CCDC187: variants seen among roughly 807,000 people sequenced by gnomAD.
CCDC187 encodes coiled-coil domain-containing protein 187.
A neutral mutation model predicts 38.0 loss-of-function variants in CCDC187; 32 were observed. The ratio of observed to expected loss-of-function variants is 0.84; its 90% CI spans 0.64 to 1.13. The LOEUF is 1.13. Among genes scored for constraint, CCDC187 ranks in the 50% most tolerant of loss-of-function variants. The pLI is 0.00. For missense variants in CCDC187, 707 were observed against 786.8 expected (o/e 0.90, Z 1.21); for synonymous variants, 333 against 347.9 (o/e 0.96, Z 0.48).
intron 18 of CCDC187, among the ~76,000 whole-genome samples, chr9:136,262,714 C>T (rs1830694344): frequency 6.6e-6 from 1 of 152,198 alleles, no homozygotes; most frequent in Non-Finnish European, 1.5e-5. Context: ...CCCCCATGCC[C>T]AGCTCTGGAA....
chr9:136,285,733 C>T (rs1831163519), intron 8 of CCDC187, 127 bp from the exon 9 acceptor site: 1 of 397,430 alleles, frequency 2.5e-6, no homozygotes, highest in Admixed American at 4.4e-5. Context: ...GGCAGCCTCC[C>T]TGGCCCTCAG....
intron 4 of CCDC187, 48 bp downstream of exon 4, chr9:136,297,666 G>T: frequency 2.5e-6 from 1 of 399,578 alleles, no homozygotes; most frequent in South Asian, 1.3e-4. Flanking sequence ...TAGAGTGCCA[G>T]GATCATATGC....
chr9:136,302,783 T>C, intron 2 of CCDC187, 29 bp downstream of exon 2: 1 of 399,154 alleles, frequency 2.5e-6, no homozygotes, highest in Non-Finnish European at 4.4e-6. Flanking sequence ...GCAGCCCTCC[T>C]GCCCCTCTCT....
chr9:136,277,916 C>T (rs953424409), intron 10 of CCDC187, among the ~76,000 whole-genome samples: 3 of 152,206 alleles, frequency 2.0e-5, no homozygotes, highest in Non-Finnish European at 1.5e-5. Context: ...CTTCCCGGAA[C>T]GGAGCAGCTC....
Position 136,286,275 on chromosome 9 carries a change from G to A in CCDC187, c.2643C>T (p.Ala881=). ...AAPTLATPTL[A]TPACPGALGP... ...CCAAGGCTCCAGGGCAGGCTGGGGT[G>A]GCAAGCGTGGGGGTGGCGAGCGTGG... Residue 881 remains alanine (A), a synonymous_variant, in exon 8 of 26, where the codon GCC becomes GCT. Coordinates refer to ENST00000638797, the MANE Select transcript of CCDC187 (RefSeq NM_001378188.1). 1 of 398,670 alleles carries A rather than the reference G, an allele frequency of 2.5e-6. No homozygotes were observed. Among genetic ancestry groups the A allele is most frequent in the Non-Finnish European group, 4.4e-6 (1 of 226,086 alleles). The allele number at this position is 398,670 out of a possible 1,614,324, so 24.7% of individuals were successfully genotyped here.
chr9:136,299,182 A>C (rs2131355110), intron 3 of CCDC187, among the ~76,000 whole-genome samples: 1 of 152,308 alleles, frequency 6.6e-6, no homozygotes, highest in South Asian at 2.1e-4. Context: ...CTGGATGGAC[A>C]GGAGTTCCCC....
rs1376549139 is a variant in CCDC187 at position 136,289,978 on chromosome 9, C to T, written c.2203G>A (p.Gly735Ser). The change falls in exon 7 of 26, where the codon GGC (glycine) becomes AGC (serine). Residue 735 changes from glycine to serine, a missense_variant. By Grantham distance (56) the Gly-to-Ser change is moderately conservative. Coordinates refer to ENST00000638797, the MANE Select transcript of CCDC187 (RefSeq NM_001378188.1). ...SKVTSGMVLG[G>S]QEAPGSFCLC... The stretch of plus-strand genomic sequence containing the variant: ...ACCCACCTGCCTGGGGCTTCCTGGC[C>T]CCCCAGCACCATGCCAGAGGTCACT... 1.8e-5 allele frequency: 7 copies of T among 396,816 alleles called. No individual in the cohort carries two copies. Among genetic ancestry groups the T allele is most frequent in the Admixed American group, 8.8e-5 (2 of 22,672 alleles). The allele number at this position is 396,816 out of a possible 1,614,324, so 24.6% of individuals were successfully genotyped here.
chr9:136,267,768 G>T, intron 15 of CCDC187: 1 of 917,046 alleles, frequency 1.1e-6, no homozygotes, highest in Non-Finnish European at 1.3e-6. Flanking sequence ...GATCCAGGAA[G>T]CCCAGGCCAC....
In CCDC187 at chr9:136,294,202, TCACA is replaced by T. The variant is rs1243547283; in HGVS notation, c.833-1911_833-1908del. Among the ~76,000 whole-genome samples the T allele has an allele frequency of 4.1e-3, 584 of 140,834 alleles. 4 individuals are homozygous for T. Among genetic ancestry groups the T allele is most frequent in the African/African-American group, 0.016 (570 of 36,722 alleles). 92.4% of individuals were successfully genotyped at this position (140,834 alleles called of 152,430 possible). ...TATACACACGCCCTCACATGTGCTC[TCACA>T]CACACTCACACGCTCATATACACAC... On this transcript the variant is annotated intron_variant, in intron 4 of 25. Transcript: ENST00000638797.
chr9:136,282,773 C>T (rs1167408409), intron 9 of CCDC187, among the ~76,000 whole-genome samples: 6 of 152,246 alleles, frequency 3.9e-5, no homozygotes, highest in South Asian at 2.1e-4. Context: ...AACCCCCGCC[C>T]GCATTCCTGG....
In CCDC187 at chr9:136,293,360, T is replaced by TCACAC. The variant is rs1831407486; in HGVS notation, c.833-1066_833-1065insGTGTG. ...ACTCACACTCACATGCTCACACACA[T>TCACAC]TCACATGCTCACACACTCACACTCA... is the stretch of plus-strand genomic sequence containing the variant. On this transcript the variant is annotated intron_variant, in intron 4 of 25. Transcript: ENST00000638797. Among the ~76,000 whole-genome samples, 208 of 87,556 alleles carry TCACAC rather than the reference T, an allele frequency of 2.4e-3. 2 individuals are homozygous for TCACAC. Among genetic ancestry groups the TCACAC allele is most frequent in the Non-Finnish European group, 3.8e-3 (162 of 42,962 alleles). The allele number at this position is 87,556 out of a possible 152,430, so 57.4% of individuals were successfully genotyped here.
Position 136,254,660 on chromosome 9 carries a change from G to A in CCDC187, c.5168C>T (p.Ala1723Val), listed in dbSNP as rs1830590842. 4 of 985,416 alleles carry A rather than the reference G, an allele frequency of 4.1e-6. No individual in the cohort carries two copies. The highest frequency in any genetic ancestry group is 1.1e-4 in the East Asian group (1 of 8,826). 61.0% of individuals were successfully genotyped at this position (985,416 alleles called of 1,614,324 possible). ...GPLRGSSLDT[A>V]MAEVSAPEQS... ...CTCCGGCGCTGAAACTTCTGCCATG[G>A]CCGTGTCCAAGGAGGAGCCACGCAG... The change falls in exon 26 of 26, where the codon GCC becomes GTC. Residue 1723 changes from alanine (A) to valine (V), a missense_variant. Physicochemically the swap from Ala to Val is moderately conservative, Grantham distance 64. Transcript: ENST00000638797.
At chr9:136,291,763 G>T in intron 5 of CCDC187, 118 bp from the exon 6 acceptor site, 1 of 397,862 alleles carries the variant, frequency 2.5e-6, no homozygotes, top group Non-Finnish European at 4.4e-6. Context: ...TCGGGCCCCT[G>T]CTGGGCAGAA....
In CCDC187 at chr9:136,264,729, C is replaced by T. The variant is rs1554761415; in HGVS notation, c.3736-931G>A. Among the ~76,000 whole-genome samples the T allele has an allele frequency of 6.6e-6, 1 of 151,078 alleles. No individual in the cohort carries two copies. The highest frequency in any genetic ancestry group is 1.5e-5 in the Non-Finnish European group (1 of 67,834). Reference sequence around the variant, plus strand: ...CTGACCCCATTTCCCAGCAGAGGGTCGTGGGCAAAGTAGTCCCCCACCCCA... The same window carrying T: ...CTGACCCCATTTCCCAGCAGAGGGTTGTGGGCAAAGTAGTCCCCCACCCCA... On this transcript the variant is annotated intron_variant, in intron 17 of 25. Coordinates refer to ENST00000638797, the MANE Select transcript of CCDC187 (RefSeq NM_001378188.1). This position sits in a 1 kb window ranked among gnomAD's most constrained non-coding sequence, Gnocchi z 4.3.
At position 136,268,253 on chromosome 9, in the gene CCDC187, G is replaced by A. The variant is rs572563892; in HGVS notation, c.3443-128C>T. On this transcript the variant is annotated intron_variant, in intron 14 of 25. Coordinates refer to ENST00000638797, the MANE Select transcript of CCDC187 (RefSeq NM_001378188.1). ...CAGTTTAGTGTCCCCATCCCATCCCGGACACACAGGGCTTCACGCAGAATC... is the reference window on the plus strand; with the variant it reads ...CAGTTTAGTGTCCCCATCCCATCCCAGACACACAGGGCTTCACGCAGAATC... 32 of 378,358 alleles carry A rather than the reference G, an allele frequency of 8.5e-5. 1 individual carries two copies. The South Asian group carries it at 3.3e-3, about 39-fold the overall frequency. The allele number at this position is 378,358 out of a possible 1,614,324, so 23.4% of individuals were successfully genotyped here.
chr9:136,261,090 G>A lies in CCDC187; in HGVS notation c.4065-826C>T, dbSNP rs1212302454. 2.6e-5 allele frequency among the ~76,000 whole-genome samples: 4 copies of A among 151,850 alleles called. No individual in the cohort carries two copies. In the East Asian group the frequency reaches 5.8e-4, roughly 22 times the overall value. ...CATTCCCCTCCCCTACACCCTCCTC[G>A]GCACGCGGCGTCTCAGGCCAGGACC... On this transcript the variant is annotated intron_variant, in intron 19 of 25. Coordinates refer to ENST00000638797, the MANE Select transcript of CCDC187 (RefSeq NM_001378188.1).
chr9:136,278,439 G>A (rs1386879841), intron 10 of CCDC187, among the ~76,000 whole-genome samples: 1 of 152,202 alleles, frequency 6.6e-6, no homozygotes, highest in East Asian at 1.9e-4. Flanking sequence ...AGCTGGGCAC[G>A]GCCCTGGCTG....
rs543952769 is a variant in CCDC187, at chr9:136,258,912, G to A, written c.4366+20C>T. ...TGTCTGGCGCCGTGGAGGCCCACGC[G>A]GTGTTTCCAGGGTGCTTACCTGGGG... On this transcript the variant is annotated intron_variant, in intron 22 of 25. Coordinates refer to ENST00000638797, the MANE Select transcript of CCDC187 (RefSeq NM_001378188.1). The surrounding 1 kb of genome is among the most constrained non-coding windows in gnomAD (Gnocchi z 4.3). 4.9e-5 allele frequency: 48 copies of A among 985,544 alleles called. No homozygotes were observed. The East Asian group carries it at 9.1e-4, about 19-fold the overall frequency. 61.0% of individuals were successfully genotyped at this position (985,544 alleles called of 1,614,324 possible).
intron 2 of CCDC187, among the ~76,000 whole-genome samples, chr9:136,300,913 G>T (rs1049244446): frequency 3.9e-5 from 6 of 152,204 alleles, no homozygotes; most frequent in African/African-American, 1.4e-4. Context: ...AAAAACTTTT[G>T]AATAGCACAT....
Sources: gnomAD v4.1 joint callset for allele counts (sites outside exome capture counted in the v4.1 genomes callset) on GRCh38, gnomAD v4.1.1 for gene constraint, Gnocchi (gnomAD v3.1) non-coding constraint, MANE v1.5 for transcripts, NCBI Gene and HGNC (gene_info 2026-07-23, HGNC 2026-07-21) for gene names.